CACNA2D3: variants seen among roughly 807,000 people sequenced by gnomAD.
The protein encoded by CACNA2D3 is calcium voltage-gated channel auxiliary subunit alpha2delta 3.
Under a neutral mutation model 160.6 loss-of-function variants are expected in CACNA2D3, and 60 were observed. That is an observed-to-expected ratio of 0.37 (90% CI 0.30 to 0.46). The LOEUF is 0.46. Among genes scored for constraint, CACNA2D3 ranks in the 20% least tolerant of loss-of-function variants. CACNA2D3 has a pLI of 1.00. For synonymous variants in CACNA2D3, 558 were observed against 492.9 expected, an observed-to-expected ratio of 1.13 and a Z score of -1.75; for missense variants, 1,205 against 1,365.0, an observed-to-expected ratio of 0.88 and a Z score of 1.85.
intron 2 of CACNA2D3, among the ~76,000 whole-genome samples, chr3:54,252,301 A>G (rs1480646540): frequency 6.6e-6 from 1 of 152,106 alleles, no homozygotes; most frequent in Non-Finnish European, 1.5e-5. Flanking sequence ...ATAATTAGTC[A>G]TACTATGGAT....
intron 3 of CACNA2D3, among the ~76,000 whole-genome samples, chr3:54,368,765 G>A (rs9877378): frequency 3.8e-4 from 48 of 126,214 alleles, no homozygotes; most frequent in African/African-American, 1.2e-3. Flanking sequence ...GTAGTGGCAC[G>A]ATCTCGGCTC....
intron 2 of CACNA2D3, among the ~76,000 whole-genome samples, chr3:54,219,473 T>C (rs1431269520): frequency 3.3e-5 from 5 of 152,228 alleles, no homozygotes; most frequent in Non-Finnish European, 7.3e-5. Flanking sequence ...AGAAGCATTA[T>C]GGATACCTCC....
chr3:54,549,805 A>G (rs897275665), intron 5 of CACNA2D3, among the ~76,000 whole-genome samples: 1 of 152,186 alleles, frequency 6.6e-6, no homozygotes, highest in Non-Finnish European at 1.5e-5. Context: ...CTGTGTTTAT[A>G]TTAAATATCA....
chr3:54,789,915 C>T (rs766254984), intron 13 of CACNA2D3: 13 of 506,744 alleles, frequency 2.6e-5, no homozygotes, highest in African/African-American at 1.9e-4. Flanking sequence ...GAGCCCATTC[C>T]TCTGTTTTGA....
rs539347346 is a variant in CACNA2D3, at chr3:54,841,654, ATTCT to A, written c.1551+3015_1551+3018del. Among the ~76,000 whole-genome samples the A allele has an allele frequency of 4.7e-4, 72 of 152,248 alleles. 1 individual carries two copies. The highest frequency in any genetic ancestry group is 1.7e-3 in the African/African-American group (69 of 41,556). ...TCTTGGGGTTTTCCCAGAAGATAGA[ATTCT>A]TTCTTTCTCCCTTAGCTTCATAGAT... On this transcript the variant is annotated intron_variant, in intron 16 of 37. Transcript: ENST00000474759.
At chr3:54,774,196 A>T (rs1025397588) in intron 13 of CACNA2D3, among the ~76,000 whole-genome samples, 1 of 152,316 alleles carries the variant, frequency 6.6e-6, no homozygotes, top group Non-Finnish European at 1.5e-5. Context: ...CAGGGGTTGT[A>T]TTAGTTTCTT....
At chr3:55,028,303 G>T (rs1394482306) in intron 35 of CACNA2D3, among the ~76,000 whole-genome samples, 3 of 152,144 alleles carry the variant, frequency 2.0e-5, no homozygotes, top group Admixed American at 6.6e-5. Flanking sequence ...AAAATATAGG[G>T]TTTATTAAGA....
chr3:54,516,943 T>G (rs1415034280), intron 5 of CACNA2D3, among the ~76,000 whole-genome samples: 1 of 152,164 alleles, frequency 6.6e-6, no homozygotes, highest in African/African-American at 2.4e-5. Flanking sequence ...GGGGTACCTG[T>G]GATAGACCAG....
chr3:54,351,927 C>T (rs1698572114), intron 3 of CACNA2D3, among the ~76,000 whole-genome samples: 1 of 152,164 alleles, frequency 6.6e-6, no homozygotes, highest in African/African-American at 2.4e-5. Context: ...TGTTGGATAC[C>T]TCCTCTGCAG....
chr3:54,209,310 TCAATAAAGTCAGTTGTCCAGC>T (rs1701328416), intron 2 of CACNA2D3, among the ~76,000 whole-genome samples: 1 of 152,142 alleles, frequency 6.6e-6, no homozygotes, highest in African/African-American at 2.4e-5. Flanking sequence ...GAAGAGTTTT[TCAATAAAGTCAGTTGTCCAGC>T]CAGCCTCACC....
intron 11 of CACNA2D3, among the ~76,000 whole-genome samples, chr3:54,696,461 A>T (rs1700668526): frequency 6.6e-6 from 1 of 152,152 alleles, no homozygotes; most frequent in African/African-American, 2.4e-5. Context: ...TTTGTAATTC[A>T]CTTTGTTTGC....
chr3:54,254,164 G>GA (rs1702250449), intron 2 of CACNA2D3, among the ~76,000 whole-genome samples: 2 of 152,164 alleles, frequency 1.3e-5, no homozygotes, highest in African/African-American at 4.8e-5. Context: ...GATGCTCATA[G>GA]AGACCACTTG....
chr3:54,549,362 C>T (rs1259626483), intron 5 of CACNA2D3, among the ~76,000 whole-genome samples: 1 of 152,188 alleles, frequency 6.6e-6, no homozygotes, highest in Non-Finnish European at 1.5e-5. Flanking sequence ...AGGAGAATGG[C>T]GTGAACCCAG....
At chr3:54,479,944 G>A (rs1264137970) in intron 4 of CACNA2D3, among the ~76,000 whole-genome samples, 3 of 152,100 alleles carry the variant, frequency 2.0e-5, no homozygotes, top group Non-Finnish European at 4.4e-5. Flanking sequence ...TTTTGGAGTT[G>A]ATTCTGTAAA....
chr3:54,632,002 A>G (rs1439343893), intron 10 of CACNA2D3: 2 of 152,260 alleles, frequency 1.3e-5, no homozygotes, highest in East Asian at 1.9e-4. Flanking sequence ...TAACTGATGA[A>G]TCACTGAGCT....
chr3:54,892,852 A>C (rs1034655286), intron 25 of CACNA2D3, among the ~76,000 whole-genome samples: 1 of 152,254 alleles, frequency 6.6e-6, no homozygotes, highest in African/African-American at 2.4e-5. Flanking sequence ...ATTGTGATGG[A>C]TTTAAAAGAC....
chr3:54,763,662 TG>T (rs1315970380), intron 12 of CACNA2D3, among the ~76,000 whole-genome samples: 1 of 146,214 alleles, frequency 6.8e-6, no homozygotes, highest in South Asian at 2.1e-4. Context: ...TATGTGTGTG[TG>T]TGTGTGTATA....
chr3:54,259,464 C>G (rs1335616672), intron 2 of CACNA2D3, among the ~76,000 whole-genome samples: 1 of 152,104 alleles, frequency 6.6e-6, no homozygotes, highest in African/African-American at 2.4e-5. Context: ...AAAAAGAAAA[C>G]TTGAGATGTG....
chr3:54,496,440 T>G (rs779182419), intron 4 of CACNA2D3, among the ~76,000 whole-genome samples: 1 of 152,204 alleles, frequency 6.6e-6, no homozygotes, highest in Non-Finnish European at 1.5e-5. Flanking sequence ...GGATTGACCA[T>G]TCACATACCT....
Sources: gnomAD v4.1 joint callset for allele counts (sites outside exome capture counted in the v4.1 genomes callset) on GRCh38, gnomAD v4.1.1 for gene constraint, MANE v1.5 for transcripts, NCBI Gene and HGNC (gene_info 2026-07-23, HGNC 2026-07-21) for gene names.